OSBPL11: variants seen among roughly 807,000 people sequenced by gnomAD.
The protein encoded by OSBPL11 is oxysterol binding protein like 11.
A neutral mutation model predicts 84.4 loss-of-function variants in OSBPL11; 33 were observed. The observed-to-expected ratio is 0.39, with a 90% CI of 0.30 to 0.52. OSBPL11 has a LOEUF of 0.52. Ranked by LOEUF, OSBPL11 falls within the 20% of genes least tolerant of loss-of-function variation. The pLI is 0.72. For synonymous variants in OSBPL11, 276 were observed against 310.2 expected, an observed-to-expected ratio of 0.89 and a Z score of 1.16; for missense variants, 736 against 901.1, an observed-to-expected ratio of 0.82 and a Z score of 2.35.
At chr3:125,533,303 C>A (rs1438290665) in intron 11 of OSBPL11, among the ~76,000 whole-genome samples, 4 of 151,472 alleles carry the variant, frequency 2.6e-5, no homozygotes, top group Non-Finnish European at 5.9e-5. Flanking sequence ...CAGCTCACTG[C>A]AACCTCTGCC....
Position 125,529,151 on chromosome 3 carries a change from G to A in OSBPL11, c.*1364C>T, listed in dbSNP as rs1935520581. On this transcript the variant is annotated 3_prime_UTR_variant, in exon 13 of 13. Coordinates refer to ENST00000296220, the MANE Select transcript of OSBPL11 (RefSeq NM_022776.5). ...CACCTACAATGGCTGATAAACAACA[G>A]GTATGTTACACACACTGATTGGAAG... 1 of 152,514 alleles carries A rather than the reference G, an allele frequency of 6.6e-6. No individual in the cohort carries two copies. The highest frequency in any genetic ancestry group is 2.1e-4 in the South Asian group (1 of 4,832). 9.4% of individuals were successfully genotyped at this position (152,514 alleles called of 1,614,324 possible). A position where few individuals can be genotyped will look rare whatever the true frequency, so the allele number is the denominator to read the frequency against.
At chr3:125,565,848 T>C (rs1369928991) in intron 6 of OSBPL11, among the ~76,000 whole-genome samples, 2 of 152,200 alleles carry the variant, frequency 1.3e-5, no homozygotes, top group Non-Finnish European at 2.9e-5. Flanking sequence ...CCCTTTCCTC[T>C]ACCTCTCACT....
At chr3:125,580,189 C>T (rs182909339) in intron 2 of OSBPL11, 149 bp from the exon 3 acceptor site, 1 of 698,140 alleles carries the variant, frequency 1.4e-6, no homozygotes, top group African/African-American at 1.8e-5. Flanking sequence ...AAACACTACA[C>T]TGAATTTTCC....
intron 1 of OSBPL11, among the ~76,000 whole-genome samples, chr3:125,592,557 AT>A (rs1463798858): frequency 6.6e-6 from 1 of 152,204 alleles, no homozygotes; most frequent in African/African-American, 2.4e-5. Flanking sequence ...ACTAATATAA[AT>A]TTCTCTGGAA....
At chr3:125,543,166 C>G (rs963327194) in intron 10 of OSBPL11, among the ~76,000 whole-genome samples, 2 of 120,592 alleles carry the variant, frequency 1.7e-5, no homozygotes, top group African/African-American at 3.3e-5. Context: ...GAGTCTCACT[C>G]TGTTGCCCAG....
intron 3 of OSBPL11, 93 bp from the exon 4 acceptor site, chr3:125,579,132 A>C: frequency 1.1e-6 from 1 of 916,260 alleles, no homozygotes; most frequent in Non-Finnish European, 1.6e-6. Context: ...TGAAAAGCAG[A>C]TACTGGTCTT....
chr3:125,594,786 T>G lies in OSBPL11; in HGVS notation c.15A>C (p.Glu5Asp). The change falls in exon 1 of 13, where the codon GAA becomes GAC. Residue 5 changes from glutamate to aspartate, a missense_variant. By Grantham distance (45) the Glu-to-Asp change is conservative. This residue lies in a region of OSBPL11 where 114 missense variants were observed against 104.9 expected (regional missense o/e 1.09). Transcript: ENST00000296220. ...CCGAGACTTTCATTGTGGACACTGG[T>G]TCACCCCCCTGCATCTTAACGCCAA... Reference protein sequence around the residue: MQGGEPVSTMKVSES... With the variant: MQGGDPVSTMKVSES... The G allele has an allele frequency of 1.2e-6, 2 of 1,613,976 alleles. No homozygotes were observed. Among genetic ancestry groups the G allele is most frequent in the Non-Finnish European group, 1.7e-6 (2 of 1,179,904 alleles).
intron 10 of OSBPL11, among the ~76,000 whole-genome samples, chr3:125,542,546 C>T (rs1971188): frequency 0.2 from 30,064 of 148,598 alleles, 4,141 homozygotes; most frequent in African/African-American, 0.39. Flanking sequence ...CCTCACTTTG[C>T]CGCCCAGGCT....
chr3:125,534,133 C>A (rs1559833253), intron 11 of OSBPL11, among the ~76,000 whole-genome samples: 1 of 152,076 alleles, frequency 6.6e-6, no homozygotes, highest in Non-Finnish European at 1.5e-5. Flanking sequence ...ATAATTCTAG[C>A]ACTTTGGGAG....
At chr3:125,588,028 C>G (rs577680603) in intron 1 of OSBPL11, among the ~76,000 whole-genome samples, 4 of 152,156 alleles carry the variant, frequency 2.6e-5, no homozygotes, top group East Asian at 1.9e-4. Flanking sequence ...TCAAAACCAG[C>G]CTAGCCAACA....
chr3:125,552,727 A>T (rs762292582), intron 8 of OSBPL11, 48 bp from the exon 9 acceptor site: 2 of 1,556,730 alleles, frequency 1.3e-6, no homozygotes, highest in Non-Finnish European at 1.7e-6. Context: ...CATGTGTAGC[A>T]TATCTGTAGA....
chr3:125,553,826 T>C (rs558419650), intron 8 of OSBPL11, among the ~76,000 whole-genome samples: 103 of 152,336 alleles, frequency 6.8e-4, no homozygotes, highest in African/African-American at 2.4e-3. Context: ...AGCTGGTGAA[T>C]TGAACACATG....
In OSBPL11 at chr3:125,594,678, G is replaced by GCTGCTA. The variant is rs1936652775; in HGVS notation, c.117_122dup (p.Ser43_Ser44dup). Reference sequence around the variant, plus strand: ...TTGCACTGCCACCGCGGCTGCTGCTGCTGCTACTGATTCCACCTCCACAGC... The same window carrying GCTGCTA: ...TTGCACTGCCACCGCGGCTGCTGCTGCTGCTACTGCTACTGATTCCACCTCCACAGC... On this transcript the variant is annotated inframe_insertion, in exon 1 of 13. Coordinates refer to ENST00000296220, the MANE Select transcript of OSBPL11 (RefSeq NM_022776.5). The GCTGCTA allele has an allele frequency of 1.6e-5, 26 of 1,613,910 alleles. No individual in the cohort carries two copies. The highest frequency in any genetic ancestry group is 2.1e-5 in the Non-Finnish European group (25 of 1,180,026).
At chr3:125,554,896 C>T (rs1935967002) in intron 8 of OSBPL11, among the ~76,000 whole-genome samples, 1 of 151,352 alleles carries the variant, frequency 6.6e-6, no homozygotes, top group Non-Finnish European at 1.5e-5. Flanking sequence ...TCAGAGAAAA[C>T]AAACAAACAA....
intron 1 of OSBPL11, among the ~76,000 whole-genome samples, chr3:125,589,547 G>C (rs2107614133): frequency 6.6e-6 from 1 of 150,844 alleles, no homozygotes; most frequent in South Asian, 2.1e-4. Flanking sequence ...ATCTATAGCA[G>C]ATGTCAGATA....
chr3:125,542,404 C>T (rs1935743269), intron 10 of OSBPL11, among the ~76,000 whole-genome samples: 1 of 151,478 alleles, frequency 6.6e-6, no homozygotes, highest in African/African-American at 2.4e-5. Context: ...GGCACAATCT[C>T]GGCTCACAGC....
intron 11 of OSBPL11, 102 bp from the exon 12 acceptor site, chr3:125,532,116 C>G: frequency 8.3e-7 from 1 of 1,206,640 alleles, no homozygotes; most frequent in Non-Finnish European, 1.1e-6. Context: ...AATAACGTTT[C>G]CTAAATCACA....
Position 125,594,791 on chromosome 3 carries a change from C to T in OSBPL11, c.10G>A (p.Gly4Ser), listed in dbSNP as rs181657026. 2.5e-6 allele frequency: 4 copies of T among 1,613,416 alleles called. No individual in the cohort carries two copies. The East Asian group carries it at 6.7e-5, about 27-fold the overall frequency. Residue 4 changes from glycine to serine, a missense_variant, in exon 1 of 13, where the codon GGT becomes AGT. Around this residue, in one of 3 missense-constraint regions of OSBPL11, gnomAD observed 114 missense variants for 104.9 expected, o/e 1.09. Transcript: ENST00000296220. MQG[G>S]EPVSTMKVSE... ...ACTTTCATTGTGGACACTGGTTCAC[C>T]CCCCTGCATCTTAACGCCAAAGTCC...
intron 8 of OSBPL11, among the ~76,000 whole-genome samples, chr3:125,554,800 G>A (rs1458442154): frequency 3.3e-5 from 5 of 151,918 alleles, no homozygotes; most frequent in African/African-American, 1.2e-4. Flanking sequence ...CCATAACACA[G>A]AAGACAGACA....
Sources: allele counts gnomAD v4.1 joint callset (sites outside exome capture counted in the v4.1 genomes callset), GRCh38; gene constraint gnomAD v4.1.1; regional missense constraint gnomAD v4.1.1; transcripts MANE v1.5; gene names NCBI Gene and HGNC (gene_info 2026-07-23, HGNC 2026-07-21).